The following WDFY1 variants were observed in gnomAD, a reference collection of about 807,000 sequenced individuals.
The protein encoded by WDFY1 is WD repeat and FYVE domain-containing protein 1.
A neutral mutation model predicts 56.4 loss-of-function variants in WDFY1; 32 were observed. That is an observed-to-expected ratio of 0.57 (90% CI 0.43 to 0.76). The LOEUF (loss-of-function observed/expected upper bound fraction) is 0.76, where lower values mean the gene tolerates loss of function less well. Ranked by LOEUF, WDFY1 falls within the 30% of genes least tolerant of loss-of-function variation. The pLI is 0.00. For missense variants in WDFY1, 480 were observed against 545.7 expected (o/e 0.88, Z 1.20); for synonymous variants, 192 against 197.3 (o/e 0.97, Z 0.23).
rs1479995888 is a variant in WDFY1 at position 223,901,291 on chromosome 2, G to A, written c.377C>T (p.Thr126Ile). The change falls in exon 5 of 12, where the codon ACA becomes ATA. Residue 126 changes from threonine (T) to isoleucine (I), a missense_variant. Transcript: ENST00000233055. Reference protein sequence around the residue: ...RVSAIIFSLATEWVISTGHDK... With the variant: ...RVSAIIFSLAIEWVISTGHDK... Reference sequence around the variant, plus strand: ...GTGGCCGGTACTGATCACCCACTCTGTGGCCAAGCTGAAGATAATCGCAGA... The same window carrying A: ...GTGGCCGGTACTGATCACCCACTCTATGGCCAAGCTGAAGATAATCGCAGA... The A allele has an allele frequency of 6.2e-7, 1 of 1,613,996 alleles. No homozygotes were observed. The highest frequency in any genetic ancestry group is 1.3e-5 in the African/African-American group (1 of 74,904).
At chr2:223,884,899 A>G (rs1240687397) in intron 8 of WDFY1, 150 bp from the exon 9 acceptor site, 12 of 639,244 alleles carry the variant, frequency 1.9e-5, no homozygotes, top group Non-Finnish European at 2.9e-5. Context: ...GGAGTGCAGT[A>G]TGTGTGATCT....
intron 4 of WDFY1, among the ~76,000 whole-genome samples, chr2:223,902,039 T>C (rs1693516131): frequency 6.6e-6 from 1 of 152,214 alleles, no homozygotes; most frequent in African/African-American, 2.4e-5. Flanking sequence ...GTACAGAACT[T>C]TGCATGTAGT....
At chr2:223,897,390 A>ATATATATATATATATATT (rs1461451983) in intron 6 of WDFY1, among the ~76,000 whole-genome samples, 1 of 125,994 alleles carries the variant, frequency 7.9e-6, no homozygotes, top group Non-Finnish European at 1.6e-5. Context: ...ATATATATAT[A>ATATATATATATATATATT]TTTTTTAAGA....
At chr2:223,898,923 G>A in intron 6 of WDFY1, 35 bp downstream of exon 6, 2 of 1,572,082 alleles carry the variant, frequency 1.3e-6, no homozygotes, top group South Asian at 2.2e-5. Flanking sequence ...GTCCAAGTTA[G>A]GCAAAAAAAA....
At position 223,899,057 on chromosome 2, in the gene WDFY1, T is replaced by G. The variant is rs147949836; in HGVS notation, c.499A>C (p.Thr167Pro). The part of the protein sequence containing the change: ...WASCLQYDFD[T>P]QYAFVGDYSG... ...TAATCACCAACGAAAGCATACTGAGTGTCAAAGTCATATCTGAGGAGAAGC... is the reference window on the plus strand; with the variant it reads ...TAATCACCAACGAAAGCATACTGAGGGTCAAAGTCATATCTGAGGAGAAGC... The change falls in exon 6 of 12, where the codon ACT becomes CCT. Residue 167 changes from threonine to proline, a missense_variant. Thr to Pro is a conservative substitution (Grantham distance 38). Transcript: ENST00000233055. 3.7e-6 allele frequency: 6 copies of G among 1,613,790 alleles called. No individual in the cohort carries two copies. The African/African-American group carries it at 6.7e-5, about 18-fold the overall frequency.
chr2:223,943,968 A>T (rs1020525011), intron 1 of WDFY1, among the ~76,000 whole-genome samples: 3 of 152,252 alleles, frequency 2.0e-5, no homozygotes, highest in Non-Finnish European at 4.4e-5. Context: ...CTCTGTGTGC[A>T]TGCCAATTAA....
At chr2:223,889,969 C>G (rs1559163715) in intron 8 of WDFY1, among the ~76,000 whole-genome samples, 1 of 152,114 alleles carries the variant, frequency 6.6e-6, no homozygotes, top group East Asian at 1.9e-4. Context: ...GAGATTAAAG[C>G]AACTGTCAAT....
chr2:223,943,980 A>G (rs1312749922), intron 1 of WDFY1, among the ~76,000 whole-genome samples: 1 of 152,218 alleles, frequency 6.6e-6, no homozygotes, highest in Non-Finnish European at 1.5e-5. Flanking sequence ...GCCAATTAAC[A>G]TGTTTTAGTT....
At chr2:223,925,371 G>T (rs1229543813) in intron 1 of WDFY1, among the ~76,000 whole-genome samples, 2 of 152,184 alleles carry the variant, frequency 1.3e-5, no homozygotes, top group Non-Finnish European at 2.9e-5. Context: ...TGTTAAGTGT[G>T]CAGTAGCATT....
At chr2:223,914,449 T>C (rs480829) in intron 2 of WDFY1, among the ~76,000 whole-genome samples, 48,016 of 152,176 alleles carry the variant, frequency 0.32, 8,979 homozygotes, top group Non-Finnish European at 0.42. Context: ...CATTTATGAT[T>C]GCTTGCATGC....
rs754373744 is a variant in WDFY1, at chr2:223,912,062, G to A, written c.279+191C>T. 3.3e-5 allele frequency among the ~76,000 whole-genome samples: 5 copies of A among 152,198 alleles called. No individual in the cohort carries two copies. In the East Asian group the frequency reaches 5.8e-4, roughly 18 times the overall value. The stretch of plus-strand genomic sequence containing the variant: ...ACTCCTGGGCTCAAGCGATCCGCCC[G>A]CCTCAGCCTCCTAAAGTGCTGGGAT... On this transcript the variant is annotated intron_variant, in intron 3 of 11. Transcript: ENST00000233055.
intron 8 of WDFY1, 116 bp from the exon 9 acceptor site, chr2:223,884,865 T>TTTA: frequency 1.5e-6 from 1 of 668,540 alleles, no homozygotes; most frequent in African/African-American, 1.8e-5. Context: ...TCTTCTTTTT[T>TTTA]TTTTTTTTTT....
At chr2:223,934,081 C>CTTTTTTTTTTTT (rs201021204) in intron 1 of WDFY1, among the ~76,000 whole-genome samples, 13 of 136,168 alleles carry the variant, frequency 9.5e-5, no homozygotes, top group East Asian at 2.3e-4. Context: ...TTTTTCTTTT[C>CTTTTTTTTTTTT]TTTTTTTTTT....
chr2:223,923,056 G>T (rs509818), intron 1 of WDFY1, among the ~76,000 whole-genome samples: 33,762 of 152,110 alleles, frequency 0.22, 4,664 homozygotes, highest in South Asian at 0.35. Context: ...CATCCCAGCT[G>T]AGAGAAGGCC....
chr2:223,889,257 G>C (rs1693227708), intron 8 of WDFY1, among the ~76,000 whole-genome samples: 1 of 152,106 alleles, frequency 6.6e-6, no homozygotes, highest in Non-Finnish European at 1.5e-5. Flanking sequence ...GTGGTTCGTA[G>C]CAAGTCGTCA....
At chr2:223,889,887 CTTAA>C (rs747181463) in intron 8 of WDFY1, among the ~76,000 whole-genome samples, 4 of 152,198 alleles carry the variant, frequency 2.6e-5, no homozygotes, top group Non-Finnish European at 4.4e-5. Context: ...TTTTATTCTA[CTTAA>C]TTTTCATTAT....
chr2:223,893,030 A>G (rs1693304687), intron 8 of WDFY1, among the ~76,000 whole-genome samples: 1 of 152,250 alleles, frequency 6.6e-6, no homozygotes, highest in Non-Finnish European at 1.5e-5. Flanking sequence ...GAAAAGAAAG[A>G]TAATGACAGT....
rs1349601062 is a variant in WDFY1 at position 223,878,140 on chromosome 2, C to A, written c.*531G>T. On this transcript the variant is annotated 3_prime_UTR_variant, in exon 12 of 12. Coordinates refer to ENST00000233055, the MANE Select transcript of WDFY1 (RefSeq NM_020830.5). ...ATCTCTTTAAGAAGTTTATCAATAA[C>A]TAAGTGTAGAGGATATTCACATACT... 6.6e-6 allele frequency: 1 copy of A among 152,272 alleles called. No individual in the cohort carries two copies. Among genetic ancestry groups the A allele is most frequent in the African/African-American group, 2.4e-5 (1 of 41,416 alleles). The allele number at this position is 152,272 out of a possible 1,614,324, so 9.4% of individuals were successfully genotyped here.
chr2:223,885,517 C>G (rs984658643), intron 8 of WDFY1, among the ~76,000 whole-genome samples: 2 of 152,106 alleles, frequency 1.3e-5, no homozygotes, highest in African/African-American at 4.8e-5. Context: ...GCCGAGTAAT[C>G]ATGGCAATTT....
Sources: gnomAD v4.1 joint callset for allele counts (sites outside exome capture counted in the v4.1 genomes callset) on GRCh38, gnomAD v4.1.1 for gene constraint, MANE v1.5 for transcripts, NCBI Gene and HGNC (gene_info 2026-07-23, HGNC 2026-07-21) for gene names.